The following GRIK2 variants were observed in gnomAD, a reference collection of about 807,000 sequenced individuals.
GRIK2 encodes the protein glutamate receptor ionotropic, kainate 2.
In GRIK2, 32 loss-of-function variants were observed where a neutral mutation model predicts 100.3. The observed-to-expected ratio is 0.32, with a 90% confidence interval of 0.24 to 0.43. The LOEUF (loss-of-function observed/expected upper bound fraction) is 0.43. GRIK2 is among the 20% of genes least tolerant of loss of function. The probability of loss-of-function intolerance (pLI) is 1.00; values close to 1 mark genes in which losing one functional copy is unlikely to be tolerated. For missense variants in GRIK2, 843 were observed against 1,114.9 expected (o/e 0.76, Z 3.47); for synonymous variants, 417 against 389.4 (o/e 1.07, Z -0.83).
intron 2 of GRIK2, among the ~76,000 whole-genome samples, chr6:101,548,673 A>G (rs558340204): frequency 5.3e-5 from 8 of 152,092 alleles, no homozygotes; most frequent in African/African-American, 1.7e-4. Context: ...TTCTTTTATC[A>G]TCATTGTCAT....
chr6:102,006,394 T>A (rs866219140), intron 14 of GRIK2, among the ~76,000 whole-genome samples: 2,525 of 122,966 alleles, frequency 0.021, 39 homozygotes, highest in East Asian at 0.093. Flanking sequence ...ATATATATTT[T>A]TTTTTTTTTT....
At chr6:101,870,773 T>C in intron 11 of GRIK2, among the ~76,000 whole-genome samples, 1 of 151,912 alleles carries the variant, frequency 6.6e-6, no homozygotes, top group African/African-American at 2.4e-5. Flanking sequence ...AGTAGAGCAC[T>C]ATGTCATAGC....
intron 4 of GRIK2, among the ~76,000 whole-genome samples, chr6:101,634,550 T>G (rs988672969): frequency 6.6e-5 from 10 of 152,076 alleles, no homozygotes; most frequent in African/African-American, 2.4e-4. Flanking sequence ...GCCCTTCATT[T>G]GAACTTCTTT....
At chr6:101,766,330 A>T (rs1290716322) in intron 7 of GRIK2, among the ~76,000 whole-genome samples, 1 of 152,084 alleles carries the variant, frequency 6.6e-6, no homozygotes, top group Non-Finnish European at 1.5e-5. Flanking sequence ...TCTAATCATG[A>T]CCTCAATTTT....
At chr6:101,910,366 A>T (rs2791766) in intron 12 of GRIK2, among the ~76,000 whole-genome samples, 2 of 150,828 alleles carry the variant, frequency 1.3e-5, no homozygotes, top group Non-Finnish European at 3.0e-5. Flanking sequence ...TTTAAATTTG[A>T]GTCAATTGTT....
intron 12 of GRIK2, among the ~76,000 whole-genome samples, chr6:101,917,856 A>G (rs954588684): frequency 5.3e-5 from 8 of 151,542 alleles, no homozygotes; most frequent in African/African-American, 1.9e-4. Context: ...CTATATGCCC[A>G]TGAAAAGAAA....
At chr6:101,997,537 A>T (rs1794714834) in intron 14 of GRIK2, among the ~76,000 whole-genome samples, 1 of 152,086 alleles carries the variant, frequency 6.6e-6, no homozygotes, top group African/African-American at 2.4e-5. Context: ...CATAGTATTT[A>T]TTTCCTAGTG....
intron 7 of GRIK2, among the ~76,000 whole-genome samples, chr6:101,695,324 T>C (rs1287872503): frequency 6.6e-6 from 1 of 152,132 alleles, no homozygotes; most frequent in African/African-American, 2.4e-5. Flanking sequence ...TTTTATAATG[T>C]TGCTAATCTC....
At chr6:101,541,377 CACA>C (rs1302241609) in intron 2 of GRIK2, among the ~76,000 whole-genome samples, 10,887 of 145,224 alleles carry the variant, frequency 0.075, 484 homozygotes, top group South Asian at 0.088. Context: ...CGCACACAAC[CACA>C]CACACACACA....
intron 14 of GRIK2, among the ~76,000 whole-genome samples, chr6:102,032,432 A>G (rs1770049824): frequency 6.6e-6 from 1 of 151,238 alleles, no homozygotes; most frequent in Non-Finnish European, 1.5e-5. Flanking sequence ...GGACTGAGTG[A>G]GCTTAAGATG....
chr6:101,740,758 C>A (rs1221952607), intron 7 of GRIK2, among the ~76,000 whole-genome samples: 4 of 152,078 alleles, frequency 2.6e-5, no homozygotes, highest in Non-Finnish European at 4.4e-5. Context: ...GGAAGGGGAG[C>A]CGGCTGGCAA....
intron 2 of GRIK2, among the ~76,000 whole-genome samples, chr6:101,621,591 G>C (rs918597937): frequency 6.6e-6 from 1 of 151,820 alleles, no homozygotes. Context: ...ATTTTGGGGG[G>C]GATAAATTTC....
At chr6:101,513,050 C>T (rs745318337) in intron 2 of GRIK2, among the ~76,000 whole-genome samples, 2 of 151,668 alleles carry the variant, frequency 1.3e-5, no homozygotes, top group Non-Finnish European at 2.9e-5. Flanking sequence ...TATTCTAAGC[C>T]AAATATGAGT....
chr6:101,919,359 A>G (rs1477334050), intron 12 of GRIK2, among the ~76,000 whole-genome samples: 1 of 151,886 alleles, frequency 6.6e-6, no homozygotes, highest in African/African-American at 2.4e-5. Flanking sequence ...GACATGTCTT[A>G]AGCATAGTTT....
chr6:101,540,489 C>A (rs535507740), intron 2 of GRIK2, among the ~76,000 whole-genome samples: 1 of 151,912 alleles, frequency 6.6e-6, no homozygotes, highest in East Asian at 1.9e-4. Context: ...ATGCCTGAAT[C>A]AAAACATCTC....
At chr6:102,021,857 G>A (rs1259525517) in intron 14 of GRIK2, among the ~76,000 whole-genome samples, 1 of 150,796 alleles carries the variant, frequency 6.6e-6, no homozygotes, top group Non-Finnish European at 1.5e-5. Flanking sequence ...ATTTTAAAAT[G>A]TTAGTTTTGT....
chr6:102,001,340 A>G (rs1794931477), intron 14 of GRIK2, among the ~76,000 whole-genome samples: 2 of 151,820 alleles, frequency 1.3e-5, no homozygotes, highest in South Asian at 2.1e-4. Context: ...ATTTGTCCCA[A>G]TGCTCTCCCT....
In GRIK2 at chr6:101,431,910, A is replaced by T. The variant is rs1021986033; in HGVS notation, c.115+32518A>T. ...TCAGGCATGGATAGCTGGCATGGGGAATCATCTAACACTCCATGAGATGTG... is the reference window on the plus strand; with the variant it reads ...TCAGGCATGGATAGCTGGCATGGGGTATCATCTAACACTCCATGAGATGTG... On this transcript the variant is annotated intron_variant, in intron 2 of 16. Transcript: ENST00000369134. 4.6e-5 allele frequency among the ~76,000 whole-genome samples: 7 copies of T among 152,260 alleles called. No homozygotes were observed. In the East Asian group the frequency reaches 7.7e-4, roughly 17 times the overall value.
intron 15 of GRIK2, among the ~76,000 whole-genome samples, chr6:102,040,260 TTC>T (rs1011486524): frequency 1.3e-5 from 2 of 151,526 alleles, no homozygotes; most frequent in African/African-American, 4.8e-5. Flanking sequence ...TATATACATT[TTC>T]TCTCATATTT....
Sources: gnomAD v4.1 joint callset for allele counts (sites outside exome capture counted in the v4.1 genomes callset) on GRCh38, gnomAD v4.1.1 for gene constraint, MANE v1.5 for transcripts, NCBI Gene and HGNC (gene_info 2026-07-23, HGNC 2026-07-21) for gene names.